The following ACKR2 variants were observed in gnomAD, a reference collection of about 807,000 sequenced individuals.
ACKR2 encodes atypical chemokine receptor 2.
For missense variants in ACKR2, 457 were observed against 477.3 expected (o/e 0.96, Z 0.40); for synonymous variants, 207 against 192.2 (o/e 1.08, Z -0.64).
intron 2 of ACKR2, chr3:42,856,536 A>G: frequency 1.6e-6 from 1 of 623,276 alleles, no homozygotes; most frequent in Non-Finnish European, 2.9e-6. Context: ...TACATATGAA[A>G]AAAGCTAACA....
Position 42,865,711 on chromosome 3 carries a change from C to A in ACKR2, c.*54C>A. On this transcript the variant is annotated 3_prime_UTR_variant, in exon 3 of 3. Coordinates refer to ENST00000422265, the MANE Select transcript of ACKR2 (RefSeq NM_001296.5). ...GATGGGAACCAGCTCAATTGGGTGT[C>A]CACTCAAAGTGCTCTCTCCAGGGGC... The A allele has an allele frequency of 7.0e-7, 1 of 1,430,698 alleles. No homozygotes were observed. The highest frequency in any genetic ancestry group is 9.6e-7 in the Non-Finnish European group (1 of 1,042,720). The allele number at this position is 1,430,698 out of a possible 1,614,324, so 88.6% of individuals were successfully genotyped here. A position where few individuals can be genotyped will look rare whatever the true frequency, so the allele number is the denominator to read the frequency against.
In ACKR2 at chr3:42,865,124, CT is replaced by C; in HGVS notation, c.623del (p.Leu208ProfsTer10). ...CGGCGGGCATGGGACCATTTGGAAG[CT>C]CTTCCTCCGCTTCCAGCAGAACCTC... ...DFGGHGTIWK[L>X]FLRFQQNLLG... On this transcript the variant is annotated frameshift_variant, in exon 3 of 3. Coordinates refer to ENST00000422265, the MANE Select transcript of ACKR2 (RefSeq NM_001296.5). LOFTEE classifies it low-confidence loss of function (END_TRUNC). 1 of 1,613,980 alleles carries C rather than the reference CT, an allele frequency of 6.2e-7. No individual in the cohort carries two copies. The highest frequency in any genetic ancestry group is 8.5e-7 in the Non-Finnish European group (1 of 1,179,950).
In ACKR2 at chr3:42,828,087, TATA is replaced by T. The variant is rs1466593447; in HGVS notation, c.-38+8377_-38+8379del. 7.1e-3 allele frequency among the ~76,000 whole-genome samples: 684 copies of T among 96,858 alleles called. 5 individuals are homozygous for T. The highest frequency in any genetic ancestry group is 0.027 in the African/African-American group (656 of 24,586). 63.5% of individuals were successfully genotyped at this position (96,858 alleles called of 152,430 possible). A position where few individuals can be genotyped will look rare whatever the true frequency, so the allele number is the denominator to read the frequency against. ...AGGATGCTTGCATTATATATATATA[TATA>T]TATTTTTTTTTTTTTCTTTTCTTTT... On this transcript the variant is annotated intron_variant, in intron 2 of 2. Coordinates refer to ENST00000422265, the MANE Select transcript of ACKR2 (RefSeq NM_001296.5).
intron 2 of ACKR2, among the ~76,000 whole-genome samples, chr3:42,861,177 G>T (rs1010445484): frequency 6.6e-6 from 1 of 152,062 alleles, no homozygotes; most frequent in African/African-American, 2.4e-5. Context: ...ATGATAAAGA[G>T]GATATCACCA....
At chr3:42,853,603 A>G (rs1701186884) in intron 2 of ACKR2, among the ~76,000 whole-genome samples, 1 of 152,080 alleles carries the variant, frequency 6.6e-6, no homozygotes, top group South Asian at 2.1e-4. Context: ...GTAACCTAGC[A>G]TTTAAGAGCA....
At chr3:42,812,213 G>A (rs1411639864) in intron 1 of ACKR2, among the ~76,000 whole-genome samples, 1 of 152,186 alleles carries the variant, frequency 6.6e-6, no homozygotes. Flanking sequence ...GGGTTGTATA[G>A]TGCATAACGG....
At chr3:42,823,034 G>A (rs1324706620) in intron 2 of ACKR2, among the ~76,000 whole-genome samples, 2 of 151,970 alleles carry the variant, frequency 1.3e-5, no homozygotes, top group Non-Finnish European at 2.9e-5. Flanking sequence ...GTTTGTTTTT[G>A]CATGATGCTG....
At chr3:42,848,120 A>C (rs912776619) in intron 2 of ACKR2, among the ~76,000 whole-genome samples, 65 of 152,012 alleles carry the variant, frequency 4.3e-4, no homozygotes, top group African/African-American at 1.6e-3. Flanking sequence ...ACAGCAAGAT[A>C]AATAATGAGA....
intron 2 of ACKR2, among the ~76,000 whole-genome samples, chr3:42,828,605 T>C (rs1700897103): frequency 6.6e-6 from 1 of 152,202 alleles, no homozygotes; most frequent in African/African-American, 2.4e-5. Context: ...GTGAATGTTC[T>C]GGGAAGGTCT....
At chr3:42,828,102 TTTTC>T (rs1700891326) in intron 2 of ACKR2, among the ~76,000 whole-genome samples, 3 of 138,574 alleles carry the variant, frequency 2.2e-5, no homozygotes, top group Non-Finnish European at 1.6e-5. Flanking sequence ...ATTTTTTTTT[TTTTC>T]TTTTCTTTTC....
intron 2 of ACKR2, among the ~76,000 whole-genome samples, chr3:42,842,723 C>T (rs926879291): frequency 6.6e-6 from 1 of 152,044 alleles, no homozygotes; most frequent in African/African-American, 2.4e-5. Context: ...TGGCTCACAC[C>T]TGTAATCCCA....
chr3:42,813,886 A>G lies in ACKR2; in HGVS notation c.-119+4354A>G, dbSNP rs571145924. Among the ~76,000 whole-genome samples, 3 of 152,306 alleles carry G rather than the reference A, an allele frequency of 2.0e-5. No individual in the cohort carries two copies. In the East Asian group the frequency reaches 5.8e-4, roughly 29 times the overall value. On this transcript the variant is annotated intron_variant, in intron 1 of 2. Coordinates refer to ENST00000422265, the MANE Select transcript of ACKR2 (RefSeq NM_001296.5). ...TGGTGAGCTGTTTTTAAGTTTTCGC[A>G]GTATCATTAATGACCCCAGTCTCAT...
At chr3:42,823,222 A>G (rs1700827050) in intron 2 of ACKR2, among the ~76,000 whole-genome samples, 1 of 152,166 alleles carries the variant, frequency 6.6e-6, no homozygotes, top group Non-Finnish European at 1.5e-5. Flanking sequence ...GATAAAGCCT[A>G]GCATGGAGTG....
intron 1 of ACKR2, among the ~76,000 whole-genome samples, chr3:42,818,821 T>TA (rs923969260): frequency 1.3e-5 from 2 of 152,150 alleles, no homozygotes; most frequent in African/African-American, 4.8e-5. Context: ...CTCGGCCTCC[T>TA]AAAGTGTTGG....
At chr3:42,809,763 A>G (rs964061632) in intron 1 of ACKR2, among the ~76,000 whole-genome samples, 4 of 151,846 alleles carry the variant, frequency 2.6e-5, no homozygotes, top group African/African-American at 9.7e-5. Flanking sequence ...TCAGGAGGCT[A>G]AGGCAGGAGA....
chr3:42,846,191 C>T (rs62247903), intron 2 of ACKR2, among the ~76,000 whole-genome samples: 11,371 of 152,174 alleles, frequency 0.075, 516 homozygotes, highest in African/African-American at 0.12. Flanking sequence ...TTGTTCGGCC[C>T]CTAGTGCCCT....
intron 2 of ACKR2, among the ~76,000 whole-genome samples, chr3:42,840,217 G>A (rs555768025): frequency 2.4e-5 from 3 of 127,010 alleles, no homozygotes; most frequent in East Asian, 5.5e-4. Context: ...CTGAGATCGC[G>A]CCAATGCACA....
intron 2 of ACKR2, among the ~76,000 whole-genome samples, chr3:42,834,142 G>T (rs1403162325): frequency 6.6e-6 from 1 of 152,030 alleles, no homozygotes; most frequent in African/African-American, 2.4e-5. Context: ...ATTTTTAGTA[G>T]AGATGGGGTT....
At chr3:42,833,479 G>T (rs376409955) in intron 2 of ACKR2, among the ~76,000 whole-genome samples, 3 of 152,210 alleles carry the variant, frequency 2.0e-5, no homozygotes, top group African/African-American at 4.8e-5. Context: ...CACCCAAGCA[G>T]TGTACACTAT....
Sources: gnomAD v4.1 joint callset for allele counts (sites outside exome capture counted in the v4.1 genomes callset) on GRCh38, gnomAD v4.1.1 for gene constraint, MANE v1.5 for transcripts, NCBI Gene and HGNC (gene_info 2026-07-23, HGNC 2026-07-21) for gene names.